GRM7: variants seen among roughly 807,000 people sequenced by gnomAD.
The protein encoded by GRM7 is metabotropic glutamate receptor 7.
A neutral mutation model predicts 84.5 loss-of-function variants in GRM7; 35 were observed. That is an observed-to-expected ratio of 0.41 (90% CI 0.32 to 0.55). GRM7 has a LOEUF of 0.55. Ranked by LOEUF, GRM7 falls within the 20% of genes least tolerant of loss-of-function variation. GRM7 has a pLI of 0.19. For synonymous variants in GRM7, 487 were observed against 455.1 expected (o/e 1.07, Z -0.89); for missense variants, 1,003 against 1,194.6 (o/e 0.84, Z 2.36).
At chr3:7,175,269 C>A (rs1056582051) in intron 2 of GRM7, among the ~76,000 whole-genome samples, 3 of 152,194 alleles carry the variant, frequency 2.0e-5, no homozygotes, top group Admixed American at 2.0e-4. Flanking sequence ...GTGCAAATAC[C>A]ATAGTCTCCA....
intron 1 of GRM7, among the ~76,000 whole-genome samples, chr3:7,097,478 C>T (rs1421364158): frequency 6.6e-6 from 1 of 151,976 alleles, no homozygotes; most frequent in Non-Finnish European, 1.5e-5. Context: ...ACATTTTATC[C>T]TGTGGGGTGG....
intron 1 of GRM7, among the ~76,000 whole-genome samples, chr3:7,137,810 G>A (rs1395980318): frequency 6.6e-6 from 1 of 151,968 alleles, no homozygotes; most frequent in African/African-American, 2.4e-5. Flanking sequence ...TCATTAAGAA[G>A]GAGTGTGAAT....
At chr3:7,271,991 C>T (rs1436055424) in intron 2 of GRM7, among the ~76,000 whole-genome samples, 1 of 152,122 alleles carries the variant, frequency 6.6e-6, no homozygotes, top group Non-Finnish European at 1.5e-5. Flanking sequence ...GTGACAGATT[C>T]TTGGAGGAAA....
intron 1 of GRM7, among the ~76,000 whole-genome samples, chr3:7,052,726 T>TTTTTTTTG (rs1553611241): frequency 5.3e-5 from 8 of 150,798 alleles, no homozygotes; most frequent in African/African-American, 1.7e-4. Flanking sequence ...GGTAGTTTTT[T>TTTTTTTTG]TTTTTTTTTT....
chr3:6,955,624 T>G (rs1416605728), intron 1 of GRM7, among the ~76,000 whole-genome samples: 1 of 151,840 alleles, frequency 6.6e-6, no homozygotes, highest in Non-Finnish European at 1.5e-5. Flanking sequence ...ATGGGCAGAT[T>G]GTGAGGTCAG....
intron 1 of GRM7, among the ~76,000 whole-genome samples, chr3:7,021,112 A>G (rs1192749796): frequency 6.6e-6 from 1 of 152,204 alleles, no homozygotes; most frequent in East Asian, 1.9e-4. Flanking sequence ...TTGAGCTATT[A>G]AATATACTTT....
At chr3:7,137,519 GA>G (rs1319152390) in intron 1 of GRM7, among the ~76,000 whole-genome samples, 2 of 152,044 alleles carry the variant, frequency 1.3e-5, no homozygotes, top group Non-Finnish European at 2.9e-5. Flanking sequence ...TACTTGAAAT[GA>G]GTTTTCTGTC....
chr3:6,898,612 C>A (rs1485252471), intron 1 of GRM7, among the ~76,000 whole-genome samples: 2 of 151,922 alleles, frequency 1.3e-5, no homozygotes. Flanking sequence ...AAATTGGGGG[C>A]CAAGGATGAC....
rs1299857285 is a variant in GRM7, at chr3:7,312,763, T to C, written c.1033+6111T>C. ...AACTTCATAGAGATATTTCCCTCCC[T>C]TAGAAAAAAAAAATGTCATGTTAAT... is the stretch of plus-strand genomic sequence containing the variant. On this transcript the variant is annotated intron_variant, in intron 4 of 9. Transcript: ENST00000357716. 5.3e-5 allele frequency among the ~76,000 whole-genome samples: 8 copies of C among 151,554 alleles called. No homozygotes were observed. The South Asian group carries it at 1.5e-3, about 27-fold the overall frequency.
At chr3:7,692,412 CT>C (rs1052627725) in intron 9 of GRM7, among the ~76,000 whole-genome samples, 4 of 152,040 alleles carry the variant, frequency 2.6e-5, no homozygotes, top group African/African-American at 9.7e-5. Context: ...CCTTCAGAAG[CT>C]GGGATCCTAC....
intron 8 of GRM7, among the ~76,000 whole-genome samples, chr3:7,676,415 CAG>C (rs1340888192): frequency 6.6e-6 from 1 of 152,106 alleles, no homozygotes. Flanking sequence ...TTTTGATAAA[CAG>C]ATTATATTTT....
At chr3:7,290,333 T>C (rs1021680714) in intron 2 of GRM7, among the ~76,000 whole-genome samples, 2 of 152,230 alleles carry the variant, frequency 1.3e-5, no homozygotes, top group South Asian at 4.1e-4. Flanking sequence ...AGTATTCTTT[T>C]AGTTCCTAGA....
intron 1 of GRM7, among the ~76,000 whole-genome samples, chr3:6,873,482 G>T (rs138181558): frequency 7.6e-4 from 116 of 152,232 alleles, no homozygotes; most frequent in Middle Eastern, 3.4e-3. Flanking sequence ...GTGAGCTTCA[G>T]CAATTTACCT....
At chr3:7,403,748 A>T (rs73115567) in intron 4 of GRM7, among the ~76,000 whole-genome samples, 1 of 51,376 alleles carries the variant, frequency 1.9e-5, no homozygotes, top group Non-Finnish European at 3.9e-5. Context: ...TATATATGTG[A>T]ATATATTTGT....
At position 6,977,829 on chromosome 3, in the gene GRM7, A is replaced by G. The variant is rs1039548918; in HGVS notation, c.519+115922A>G. On this transcript the variant is annotated intron_variant, in intron 1 of 9. Coordinates refer to ENST00000357716, the MANE Select transcript of GRM7 (RefSeq NM_000844.4). ...GAAAAGTGTTTTTTAAAGTAGTCCT[A>G]ACTGATAGTATTTTGGCCAATAGTG... is the stretch of plus-strand genomic sequence containing the variant. Among the ~76,000 whole-genome samples the G allele has an allele frequency of 3.9e-5, 6 of 152,174 alleles. No homozygotes were observed. The East Asian group carries it at 1.2e-3, about 29-fold the overall frequency.
intron 4 of GRM7, among the ~76,000 whole-genome samples, chr3:7,412,723 G>C (rs1001746123): frequency 6.6e-6 from 1 of 152,096 alleles, no homozygotes; most frequent in Non-Finnish European, 1.5e-5. Context: ...AGCACCTGGA[G>C]ATTAATTTTT....
intron 1 of GRM7, among the ~76,000 whole-genome samples, chr3:7,029,316 A>AAC (rs1553608581): frequency 1.4e-4 from 13 of 91,898 alleles, no homozygotes; most frequent in Non-Finnish European, 3.1e-4. Context: ...AAAAAAAAAC[A>AAC]AAAAAAAAAA....
At chr3:7,209,630 G>A (rs745805875) in intron 2 of GRM7, among the ~76,000 whole-genome samples, 3 of 152,172 alleles carry the variant, frequency 2.0e-5, no homozygotes, top group African/African-American at 7.2e-5. Context: ...CGAGAAACAC[G>A]TGTGGAACTA....
intron 2 of GRM7, among the ~76,000 whole-genome samples, chr3:7,224,994 GT>G (rs1306867676): frequency 1.3e-5 from 2 of 152,006 alleles, no homozygotes; most frequent in Non-Finnish European, 2.9e-5. Flanking sequence ...TTTTTCTTTA[GT>G]TTTTACAGCT....
Sources: gnomAD v4.1 joint callset for allele counts (sites outside exome capture counted in the v4.1 genomes callset) on GRCh38, gnomAD v4.1.1 for gene constraint, MANE v1.5 for transcripts, NCBI Gene and HGNC (gene_info 2026-07-23, HGNC 2026-07-21) for gene names.